The following PDE4D variants were observed in gnomAD, a reference collection of about 807,000 sequenced individuals.
PDE4D encodes the protein 3',5'-cyclic-AMP phosphodiesterase 4D.
In PDE4D, 24 loss-of-function variants were observed where a neutral mutation model predicts 87.4. The observed-to-expected ratio is 0.27, with a 90% CI of 0.20 to 0.39. PDE4D has a LOEUF of 0.39. Ranked by LOEUF, PDE4D falls within the 10% of genes least tolerant of loss-of-function variation. PDE4D has a pLI of 1.00. For synonymous variants in PDE4D, 384 were observed against 383.2 expected (o/e 1.00, Z -0.02); for missense variants, 714 against 1,041.0 (o/e 0.69, Z 4.32).
intron 1 of PDE4D, among the ~76,000 whole-genome samples, chr5:60,327,460 T>A (rs570845484): frequency 1.7e-3 from 257 of 152,328 alleles, no homozygotes; most frequent in Non-Finnish European, 3.1e-3. Context: ...ATGATTAGAC[T>A]GCCCTTTTTG....
chr5:59,483,613 T>C (rs1804624681), intron 1 of PDE4D, among the ~76,000 whole-genome samples: 1 of 152,178 alleles, frequency 6.6e-6, no homozygotes, highest in African/African-American at 2.4e-5. Context: ...CCGTTTACTT[T>C]CCTCTGTTTT....
intron 1 of PDE4D, among the ~76,000 whole-genome samples, chr5:59,865,957 T>C (rs896741402): frequency 6.6e-6 from 1 of 152,242 alleles, no homozygotes; most frequent in African/African-American, 2.4e-5. Flanking sequence ...CCTCCAGCAC[T>C]GTTAAAACAA....
intron 6 of PDE4D, among the ~76,000 whole-genome samples, chr5:59,038,038 G>C (rs991494469): frequency 6.6e-6 from 1 of 152,120 alleles, no homozygotes; most frequent in African/African-American, 2.4e-5. Context: ...CAGGCAAATA[G>C]CCACTAAAAA....
intron 1 of PDE4D, among the ~76,000 whole-genome samples, chr5:59,393,008 T>C (rs899965135): frequency 3.3e-5 from 5 of 151,982 alleles, no homozygotes; most frequent in African/African-American, 1.2e-4. Flanking sequence ...AAAGGATTAA[T>C]TGAACCTGAG....
chr5:60,215,994 T>C (rs1418304212), intron 1 of PDE4D, among the ~76,000 whole-genome samples: 4 of 152,134 alleles, frequency 2.6e-5, no homozygotes, highest in Non-Finnish European at 5.9e-5. Context: ...TATACTCATG[T>C]TGGAGAAACT....
intron 11 of PDE4D, among the ~76,000 whole-genome samples, chr5:58,977,681 T>C (rs565059404): frequency 6.6e-6 from 1 of 152,174 alleles, no homozygotes; most frequent in Non-Finnish European, 1.5e-5. Flanking sequence ...TTAGTATCTA[T>C]AACACATCCA....
intron 1 of PDE4D, among the ~76,000 whole-genome samples, chr5:60,440,405 T>C (rs968943025): frequency 6.6e-6 from 1 of 152,152 alleles, no homozygotes; most frequent in African/African-American, 2.4e-5. Flanking sequence ...ACAAGATTTC[T>C]TCGTGTGTAA....
intron 2 of PDE4D, among the ~76,000 whole-genome samples, chr5:60,040,209 T>G (rs1768311701): frequency 6.6e-6 from 1 of 152,210 alleles, no homozygotes; most frequent in South Asian, 2.1e-4. Flanking sequence ...AATATGAAGG[T>G]TTACAGCTCA....
At chr5:60,331,422 CCTT>C (rs1161203256) in intron 1 of PDE4D, among the ~76,000 whole-genome samples, 1 of 152,242 alleles carries the variant, frequency 6.6e-6, no homozygotes, top group Non-Finnish European at 1.5e-5. Context: ...TCCTACCCCT[CCTT>C]CTCTTCATGC....
Position 59,276,117 on chromosome 5 carries a change from G to C in PDE4D, c.456-60149C>G, listed in dbSNP as rs559597666. ...AGTTCAAAACACCGCAGGGCAGTGA[G>C]AAAGGAAAAAAAAAAAAAAAAAAAA... On this transcript the variant is annotated intron_variant, in intron 1 of 14. Transcript: ENST00000340635. 1,678 of 514,100 alleles carry C rather than the reference G, an allele frequency of 3.3e-3. 18 individuals carry two copies. The African/African-American group carries it at 0.054, about 17-fold the overall frequency. 31.8% of individuals were successfully genotyped at this position (514,100 alleles called of 1,614,324 possible). A position where few individuals can be genotyped will look rare whatever the true frequency, so the allele number is the denominator to read the frequency against.
intron 1 of PDE4D, among the ~76,000 whole-genome samples, chr5:59,683,497 T>C (rs1178158066): frequency 1.3e-5 from 2 of 152,216 alleles, no homozygotes; most frequent in Non-Finnish European, 1.5e-5. Flanking sequence ...ATTTTCCAAA[T>C]ATTATAAAGC....
chr5:59,407,745 A>G (rs531386564), intron 1 of PDE4D, among the ~76,000 whole-genome samples: 1 of 152,366 alleles, frequency 6.6e-6, no homozygotes, highest in South Asian at 2.1e-4. Flanking sequence ...GAACTTGGCT[A>G]CATTATATTC....
intron 1 of PDE4D, among the ~76,000 whole-genome samples, chr5:60,464,216 T>C (rs1747175653): frequency 6.6e-6 from 1 of 152,192 alleles, no homozygotes; most frequent in Admixed American, 6.5e-5. Context: ...GCCAGCCTCA[T>C]CTTTGATTCA....
At chr5:60,104,604 G>T (rs1055614630) in intron 2 of PDE4D, among the ~76,000 whole-genome samples, 1 of 152,192 alleles carries the variant, frequency 6.6e-6, no homozygotes, top group Admixed American at 6.5e-5. Context: ...CTAACTGGGA[G>T]GCACCCACCA....
At chr5:60,024,161 G>A (rs761797655) in intron 2 of PDE4D, among the ~76,000 whole-genome samples, 2 of 152,144 alleles carry the variant, frequency 1.3e-5, no homozygotes, top group Non-Finnish European at 2.9e-5. Flanking sequence ...AACTATAAGT[G>A]AGAGGGAGAG....
chr5:59,326,883 T>G (rs904470098), intron 1 of PDE4D, among the ~76,000 whole-genome samples: 3 of 152,170 alleles, frequency 2.0e-5, no homozygotes, highest in Admixed American at 6.6e-5. Flanking sequence ...TTTAATGACT[T>G]CATCATTTCC....
chr5:59,825,881 G>A (rs1561723507), intron 1 of PDE4D, among the ~76,000 whole-genome samples: 1 of 152,156 alleles, frequency 6.6e-6, no homozygotes, highest in African/African-American at 2.4e-5. Context: ...CAATTGTTCT[G>A]CAATTAATTG....
At chr5:59,462,435 C>T (rs1036242220) in intron 1 of PDE4D, among the ~76,000 whole-genome samples, 7 of 152,044 alleles carry the variant, frequency 4.6e-5, no homozygotes, top group African/African-American at 1.7e-4. Flanking sequence ...CATGCTGGTC[C>T]TCTAATTTCC....
chr5:59,196,174 C>T (rs1561678112), intron 2 of PDE4D, among the ~76,000 whole-genome samples: 1 of 152,162 alleles, frequency 6.6e-6, no homozygotes, highest in Non-Finnish European at 1.5e-5. Flanking sequence ...TATATACAAT[C>T]ATCAGCTGTT....
Sources: gnomAD v4.1 joint callset for allele counts (sites outside exome capture counted in the v4.1 genomes callset) on GRCh38, gnomAD v4.1.1 for gene constraint, MANE v1.5 for transcripts, NCBI Gene and HGNC (gene_info 2026-07-23, HGNC 2026-07-21) for gene names.